Variants in PTPRT observed in about 807,000 individuals in gnomAD.
PTPRT encodes the protein receptor-type tyrosine-protein phosphatase T.
In PTPRT, 56 loss-of-function variants were observed where a neutral mutation model predicts 176.8. That is an observed-to-expected ratio of 0.32 (90% CI 0.26 to 0.40). The LOEUF (loss-of-function observed/expected upper bound fraction) is 0.40, where lower values mean the gene tolerates loss of function less well. Among genes scored for constraint, PTPRT ranks in the 10% least tolerant of loss-of-function variants. The pLI, the probability that PTPRT is intolerant of heterozygous loss-of-function variation, is 1.00. For synonymous variants in PTPRT, 783 were observed against 739.0 expected (o/e 1.06, Z -0.96); for missense variants, 1,540 against 1,908.2 (o/e 0.81, Z 3.60).
chr20:42,433,225 A>T (rs1329222466), intron 9 of PTPRT, among the ~76,000 whole-genome samples: 1 of 152,192 alleles, frequency 6.6e-6, no homozygotes, highest in East Asian at 1.9e-4. Flanking sequence ...CAGATACTGC[A>T]ACACAGTCCA....
intron 16 of PTPRT, among the ~76,000 whole-genome samples, chr20:42,184,518 C>CCTTCTTCTTCTTCCTCTT (rs1990651776): frequency 3.1e-4 from 17 of 54,484 alleles, no homozygotes; most frequent in East Asian, 6.6e-4. Context: ...TCCTCCTCCT[C>CCTTCTTCTTCTTCCTCTT]CTTCTTCTTC....
chr20:42,263,810 C>A (rs1211673505), intron 13 of PTPRT, among the ~76,000 whole-genome samples: 1 of 151,926 alleles, frequency 6.6e-6, no homozygotes, highest in African/African-American at 2.4e-5. Flanking sequence ...GGGTGTGGAG[C>A]CACCATACCT....
At chr20:42,895,243 G>A (rs1289872763) in intron 1 of PTPRT, among the ~76,000 whole-genome samples, 1 of 152,072 alleles carries the variant, frequency 6.6e-6, no homozygotes, top group Non-Finnish European at 1.5e-5. Flanking sequence ...GTTGGGCAGG[G>A]TCAGGTGAGG....
intron 7 of PTPRT, among the ~76,000 whole-genome samples, chr20:42,605,394 G>A (rs932070286): frequency 6.6e-6 from 1 of 152,156 alleles, no homozygotes; most frequent in Non-Finnish European, 1.5e-5. Flanking sequence ...GTCCCTGAGT[G>A]AGAAAAGCTG....
chr20:43,005,440 G>C (rs1172003366), intron 1 of PTPRT, among the ~76,000 whole-genome samples: 2 of 152,078 alleles, frequency 1.3e-5, no homozygotes, highest in African/African-American at 4.8e-5. Context: ...TTCAGAACAG[G>C]CTTTTCTGTC....
At chr20:42,945,600 G>A (rs1212904218) in intron 1 of PTPRT, among the ~76,000 whole-genome samples, 1 of 152,200 alleles carries the variant, frequency 6.6e-6, no homozygotes, top group African/African-American at 2.4e-5. Flanking sequence ...CTGTTTCCCT[G>A]AGGAAGGGCC....
At chr20:42,406,810 C>T (rs779458935) in intron 9 of PTPRT, among the ~76,000 whole-genome samples, 1 of 152,138 alleles carries the variant, frequency 6.6e-6, no homozygotes, top group South Asian at 2.1e-4. Flanking sequence ...CTAAGCATGG[C>T]TCATCATCAA....
intron 6 of PTPRT, among the ~76,000 whole-genome samples, chr20:42,735,511 TAA>T (rs879467490): frequency 1.4e-5 from 2 of 147,640 alleles, no homozygotes; most frequent in Non-Finnish European, 3.0e-5. Flanking sequence ...TATTTTTCTT[TAA>T]AAAAAAAAAC....
chr20:42,707,021 C>T (rs2076070519), intron 6 of PTPRT, among the ~76,000 whole-genome samples: 2 of 152,072 alleles, frequency 1.3e-5, no homozygotes, highest in Admixed American at 6.6e-5. Flanking sequence ...GACGAGGATG[C>T]CAAAGATTGC....
rs3091721 is a variant in PTPRT, at chr20:42,790,224, T to TA, written c.486+970dup. On this transcript the variant is annotated intron_variant, in intron 3 of 30. Transcript: ENST00000373187. ...GTACATTTTACCTTAATAACATTGT[T>TA]AAAAAAAAAAAAAACAAAACTTTCA... Among the ~76,000 whole-genome samples the TA allele has an allele frequency of 2.8e-3, 400 of 144,018 alleles. 1 individual carries two copies. Among genetic ancestry groups the TA allele is most frequent in the Non-Finnish European group, 3.5e-3 (227 of 65,080 alleles). 94.5% of individuals were successfully genotyped at this position (144,018 alleles called of 152,430 possible).
At chr20:43,130,425 A>G (rs1391383431) in intron 1 of PTPRT, among the ~76,000 whole-genome samples, 2 of 152,014 alleles carry the variant, frequency 1.3e-5, no homozygotes, top group African/African-American at 4.8e-5. Context: ...ATTCAAGGGG[A>G]ACTGTTTAAA....
Position 42,780,207 on chromosome 20 carries a change from G to C in PTPRT, c.568+11C>G, listed in dbSNP as rs779018106. ...GATCAAGGCTGTGTTGGGAGGAAGG[G>C]AAAGACTTACTGCATGGATGAGCAA... On this transcript the variant is annotated intron_variant, in intron 4 of 30. Transcript: ENST00000373187. The C allele has an allele frequency of 6.2e-7, 1 of 1,609,428 alleles. No homozygotes were observed. The highest frequency in any genetic ancestry group is 1.1e-5 in the South Asian group (1 of 90,988).
At chr20:42,599,911 C>T (rs1057311750) in intron 7 of PTPRT, among the ~76,000 whole-genome samples, 9 of 152,210 alleles carry the variant, frequency 5.9e-5, no homozygotes, top group African/African-American at 2.2e-4. Flanking sequence ...TACCACCGTG[C>T]CCACTTATGC....
At chr20:43,096,291 C>T (rs2146317033) in intron 1 of PTPRT, among the ~76,000 whole-genome samples, 1 of 152,242 alleles carries the variant, frequency 6.6e-6, no homozygotes, top group Non-Finnish European at 1.5e-5. Flanking sequence ...CACCACCTGA[C>T]TTCAGACAGG....
intron 1 of PTPRT, among the ~76,000 whole-genome samples, chr20:42,941,088 A>AAATAATAATAATAATAATAAT (rs528920602): frequency 6.6e-6 from 1 of 150,400 alleles, no homozygotes; most frequent in African/African-American, 2.4e-5. Flanking sequence ...TCTCAAAAAA[A>AAATAATAATAATAATAATAAT]AATAATAATA....
rs1168508080 is a variant in PTPRT at position 42,711,009 on chromosome 20, C to T, written c.860-32850G>A. Among the ~76,000 whole-genome samples, 9 of 152,320 alleles carry T rather than the reference C, an allele frequency of 5.9e-5. No individual in the cohort carries two copies. In the South Asian group the frequency reaches 1.7e-3, roughly 28 times the overall value. The stretch of plus-strand genomic sequence containing the variant: ...TTCCAGACTTGCATGGGGCCTGTTG[C>T]CCTTTTCTTCGGGCCAATTTCTCCC... On this transcript the variant is annotated intron_variant, in intron 6 of 30. Coordinates refer to ENST00000373187, the MANE Select transcript of PTPRT (RefSeq NM_007050.6).
At chr20:42,323,844 C>T (rs1010840892) in intron 11 of PTPRT, among the ~76,000 whole-genome samples, 13 of 151,910 alleles carry the variant, frequency 8.6e-5, no homozygotes, top group South Asian at 2.1e-4. Flanking sequence ...CCCATTATAA[C>T]GGCCATCAGA....
At chr20:42,547,410 T>A (rs959004675) in intron 7 of PTPRT, among the ~76,000 whole-genome samples, 4 of 151,844 alleles carry the variant, frequency 2.6e-5, no homozygotes, top group Admixed American at 2.6e-4. Flanking sequence ...GAAAAAAAAA[T>A]ATATTATTTA....
chr20:42,983,179 C>G (rs754504130), intron 1 of PTPRT, among the ~76,000 whole-genome samples: 1 of 152,168 alleles, frequency 6.6e-6, no homozygotes, highest in Non-Finnish European at 1.5e-5. Flanking sequence ...TCAGGGAGCC[C>G]CAAAAGAGAC....
Sources: gnomAD v4.1 joint callset for allele counts (sites outside exome capture counted in the v4.1 genomes callset) on GRCh38, gnomAD v4.1.1 for gene constraint, MANE v1.5 for transcripts, NCBI Gene and HGNC (gene_info 2026-07-23, HGNC 2026-07-21) for gene names.